Variants in STXBP5L observed in about 807,000 individuals in gnomAD.
The protein encoded by STXBP5L is syntaxin binding protein 5L, also known as syntaxin-binding protein 5-like.
In STXBP5L, 65 loss-of-function variants were observed where a neutral mutation model predicts 144.5. The ratio of observed to expected loss-of-function variants is 0.45; its 90% CI spans 0.37 to 0.55. The LOEUF is 0.55. STXBP5L is among the 20% of genes least tolerant of loss of function. The pLI, the probability that STXBP5L is intolerant of heterozygous loss-of-function variation, is 0.00. For missense variants in STXBP5L, 1,298 were observed against 1,405.5 expected, an observed-to-expected ratio of 0.92 and a Z score of 1.22; for synonymous variants, 505 against 469.6, an observed-to-expected ratio of 1.08 and a Z score of -0.97.
intron 3 of STXBP5L, among the ~76,000 whole-genome samples, chr3:120,959,566 G>T (rs912207070): frequency 1.3e-5 from 2 of 152,062 alleles, no homozygotes; most frequent in African/African-American, 2.4e-5. Flanking sequence ...ATAGACCAAT[G>T]GAACAGAACA....
rs191050441 is a variant in STXBP5L, at chr3:121,031,240, A to G, written c.288-10460A>G. On this transcript the variant is annotated intron_variant, in intron 3 of 26. Coordinates refer to ENST00000471454, the MANE Select transcript of STXBP5L (RefSeq NM_001308330.2). The stretch of plus-strand genomic sequence containing the variant: ...ATTGTAGAAAGATGACTGAGGATGC[A>G]TTGTGGAAAATAGGTTGGAAGCAAG... Among the ~76,000 whole-genome samples the G allele has an allele frequency of 2.0e-4, 30 of 152,258 alleles. No individual in the cohort carries two copies. In the East Asian group the frequency reaches 5.6e-3, roughly 28 times the overall value.
chr3:121,388,117 C>T (rs138443859), intron 22 of STXBP5L, among the ~76,000 whole-genome samples: 6 of 152,312 alleles, frequency 3.9e-5, no homozygotes, highest in African/African-American at 1.2e-4. Context: ...AGGTCCTTCA[C>T]ATCCCTTGTA....
chr3:121,282,067 A>G (rs943332865), intron 19 of STXBP5L, among the ~76,000 whole-genome samples: 1 of 151,790 alleles, frequency 6.6e-6, no homozygotes, highest in Non-Finnish European at 1.5e-5. Context: ...CCGCATTCTC[A>G]TCATTCATCT....
intron 9 of STXBP5L, among the ~76,000 whole-genome samples, chr3:121,195,949 A>C (rs1215116047): frequency 6.6e-6 from 1 of 152,128 alleles, no homozygotes; most frequent in Non-Finnish European, 1.5e-5. Flanking sequence ...GTCCCACTTA[A>C]CTTTGTAATA....
chr3:121,054,117 A>AT (rs1948255298), intron 5 of STXBP5L, among the ~76,000 whole-genome samples: 1 of 152,206 alleles, frequency 6.6e-6, no homozygotes. Flanking sequence ...ATGTGGAGAA[A>AT]TAGGAACACT....
chr3:121,031,830 A>G (rs949870243), intron 3 of STXBP5L, among the ~76,000 whole-genome samples: 4 of 152,102 alleles, frequency 2.6e-5, no homozygotes, highest in African/African-American at 9.7e-5. Context: ...TGTACTCAAG[A>G]GATGCTTCAA....
At chr3:121,373,500 A>G (rs964803783) in intron 20 of STXBP5L, among the ~76,000 whole-genome samples, 48 of 152,252 alleles carry the variant, frequency 3.2e-4, no homozygotes, top group African/African-American at 1.1e-3. Flanking sequence ...CTGGTGCCCA[A>G]TGACTCCTGC....
At chr3:120,980,952 C>A (rs776513834) in intron 3 of STXBP5L, among the ~76,000 whole-genome samples, 23 of 151,982 alleles carry the variant, frequency 1.5e-4, no homozygotes, top group Non-Finnish European at 2.8e-4. Context: ...ATTTTATTTT[C>A]ATTAATGAAG....
chr3:121,213,005 GCTCT>G (rs984058210), intron 10 of STXBP5L, among the ~76,000 whole-genome samples: 20 of 152,148 alleles, frequency 1.3e-4, no homozygotes, highest in African/African-American at 4.6e-4. Context: ...TCACGATTTG[GCTCT>G]CTGTCTGTTA....
At chr3:121,127,017 A>G (rs1326324719) in intron 7 of STXBP5L, among the ~76,000 whole-genome samples, 1 of 152,306 alleles carries the variant, frequency 6.6e-6, no homozygotes, top group East Asian at 1.9e-4. Context: ...TGTTATGTAA[A>G]GAACATATTG....
At chr3:121,339,226 T>C (rs1397374138) in intron 20 of STXBP5L, among the ~76,000 whole-genome samples, 1 of 152,120 alleles carries the variant, frequency 6.6e-6, no homozygotes, top group Non-Finnish European at 1.5e-5. Flanking sequence ...TAACTATGAT[T>C]AAGTGGGTAT....
At chr3:121,311,745 A>G (rs1041625336) in intron 19 of STXBP5L, among the ~76,000 whole-genome samples, 4 of 152,226 alleles carry the variant, frequency 2.6e-5, no homozygotes, top group Admixed American at 2.6e-4. Flanking sequence ...AAGAAGCAAT[A>G]TCGTGAAAAT....
intron 3 of STXBP5L, among the ~76,000 whole-genome samples, chr3:121,005,603 G>T (rs1576636175): frequency 6.6e-6 from 1 of 152,150 alleles, no homozygotes; most frequent in East Asian, 1.9e-4. Context: ...GCTTTTGAAT[G>T]TGTTTGCTCT....
At chr3:121,045,588 G>C (rs1553784298) in intron 5 of STXBP5L, 53 bp downstream of exon 5, 1 of 1,536,134 alleles carries the variant, frequency 6.5e-7, no homozygotes, top group Non-Finnish European at 8.9e-7. Context: ...ATTATTTCCT[G>C]AGCAAGTTTT....
intron 22 of STXBP5L, among the ~76,000 whole-genome samples, chr3:121,384,174 G>A (rs977988218): frequency 5.3e-5 from 8 of 151,698 alleles, no homozygotes; most frequent in Non-Finnish European, 7.4e-5. Context: ...CCCTGTTTTC[G>A]GAGACTTGTA....
chr3:121,301,013 T>C (rs2051876926), intron 19 of STXBP5L, among the ~76,000 whole-genome samples: 1 of 152,232 alleles, frequency 6.6e-6, no homozygotes, highest in South Asian at 2.1e-4. Flanking sequence ...CGGCTTAGGA[T>C]TGATTTGGCA....
chr3:121,346,170 G>C (rs1242790198), intron 20 of STXBP5L, among the ~76,000 whole-genome samples: 2 of 142,520 alleles, frequency 1.4e-5, no homozygotes, highest in African/African-American at 2.6e-5. Context: ...TGTTCTCATT[G>C]TTCAATTCCC....
At chr3:121,184,771 G>A (rs534421513) in intron 9 of STXBP5L, among the ~76,000 whole-genome samples, 5 of 151,978 alleles carry the variant, frequency 3.3e-5, no homozygotes, top group Non-Finnish European at 5.9e-5. Flanking sequence ...TGTCTGATTC[G>A]CCAAGGTTGA....
intron 18 of STXBP5L, among the ~76,000 whole-genome samples, chr3:121,266,823 TACA>T (rs1159226571): frequency 2.0e-5 from 3 of 152,104 alleles, no homozygotes; most frequent in South Asian, 2.1e-4. Context: ...ACAATTCCTA[TACA>T]ACAACAACAG....
Sources: gnomAD v4.1 joint callset for allele counts (sites outside exome capture counted in the v4.1 genomes callset) on GRCh38, gnomAD v4.1.1 for gene constraint, MANE v1.5 for transcripts, NCBI Gene and HGNC (gene_info 2026-07-23, HGNC 2026-07-21) for gene names.